Variants in HNF1B observed in about 807,000 individuals in gnomAD.
HNF1B encodes hepatocyte nuclear factor 1-beta.
In HNF1B, 8 loss-of-function variants were observed where a neutral mutation model predicts 61.7. That is an observed-to-expected ratio of 0.13 (90% confidence interval 0.08 to 0.23). The LOEUF (loss-of-function observed/expected upper bound fraction) is 0.23. Ranked by LOEUF, HNF1B falls within the 10% of genes least tolerant of loss-of-function variation. The probability of loss-of-function intolerance (pLI) is 1.00; values close to 1 mark genes in which losing one functional copy is unlikely to be tolerated. For missense variants in HNF1B, 562 were observed against 714.5 expected (o/e 0.79, Z 2.43); for synonymous variants, 314 against 287.7 (o/e 1.09, Z -0.93).
At chr17:37,714,223 C>T (rs1031399052) in intron 4 of HNF1B, among the ~76,000 whole-genome samples, 6 of 152,190 alleles carry the variant, frequency 3.9e-5, no homozygotes, top group African/African-American at 9.7e-5. Context: ...GCTGAAAACA[C>T]GTCAATTCCT....
At chr17:37,690,846 T>C (rs2032177231) in intron 8 of HNF1B, among the ~76,000 whole-genome samples, 1 of 152,210 alleles carries the variant, frequency 6.6e-6, no homozygotes, top group South Asian at 2.1e-4. Context: ...ACTGGATCTG[T>C]GAGTGAGCAC....
chr17:37,727,751 A>G lies in HNF1B; in HGVS notation c.1045+3844T>C, dbSNP rs116084792. On this transcript the variant is annotated intron_variant, in intron 4 of 8. Transcript: ENST00000617811. ...GCAAGTGGGCCACAGCATGGTAAGC[A>G]TGGCTGGGAGGGAAGGTGCTGTTAG... Among the ~76,000 whole-genome samples the G allele has an allele frequency of 5.8e-3, 890 of 152,226 alleles. 8 individuals are homozygous for G. Among genetic ancestry groups the G allele is most frequent in the African/African-American group, 0.02 (835 of 41,526 alleles).
chr17:37,694,203 G>A (rs1318347457), intron 8 of HNF1B, among the ~76,000 whole-genome samples: 3 of 152,122 alleles, frequency 2.0e-5, no homozygotes, highest in South Asian at 2.1e-4. Flanking sequence ...TGAGGCAGGT[G>A]GATCACCTGA....
At chr17:37,711,617 GAAA>G (rs2032937993) in intron 4 of HNF1B, among the ~76,000 whole-genome samples, 1 of 152,246 alleles carries the variant, frequency 6.6e-6, no homozygotes, top group Non-Finnish European at 1.5e-5. Flanking sequence ...ATGTGCCCAT[GAAA>G]CAGTCAAGGA....
rs569753293 is a variant in HNF1B, at chr17:37,690,089, G to A, written c.1654-2697C>T. On this transcript the variant is annotated intron_variant, in intron 8 of 8. Transcript: ENST00000617811. ...ACTCCATAGAAAAATAAGCATAGAG[G>A]TTAGGGCAGCTTGAGGAAAAAGAGA... is the stretch of plus-strand genomic sequence containing the variant. Among the ~76,000 whole-genome samples, 58 of 152,164 alleles carry A rather than the reference G, an allele frequency of 3.8e-4. No homozygotes were observed. In the South Asian group the frequency reaches 0.012, roughly 31 times the overall value.
chr17:37,700,002 CTA>C (rs1419581278), intron 7 of HNF1B, among the ~76,000 whole-genome samples: 1 of 152,194 alleles, frequency 6.6e-6, no homozygotes, highest in African/African-American at 2.4e-5. Flanking sequence ...CAGTTTACCC[CTA>C]TGTTTATTTC....
At chr17:37,719,192 T>A (rs982097794) in intron 4 of HNF1B, among the ~76,000 whole-genome samples, 6 of 152,128 alleles carry the variant, frequency 3.9e-5, no homozygotes, top group African/African-American at 1.4e-4. Context: ...CTCAAACTCC[T>A]GGGCTCAAGT....
intron 6 of HNF1B, among the ~76,000 whole-genome samples, chr17:37,703,907 G>A (rs2032654005): frequency 6.6e-6 from 1 of 152,202 alleles, no homozygotes; most frequent in African/African-American, 2.4e-5. Flanking sequence ...AGGGAGAGAA[G>A]AGGGAAGAAA....
At chr17:37,721,952 A>G (rs1398452131) in intron 4 of HNF1B, among the ~76,000 whole-genome samples, 1 of 152,192 alleles carries the variant, frequency 6.6e-6, no homozygotes, top group East Asian at 1.9e-4. Context: ...CTGGGACTCT[A>G]CGTGAATCTC....
At chr17:37,726,763 C>A (rs373277675) in intron 4 of HNF1B, among the ~76,000 whole-genome samples, 41 of 152,132 alleles carry the variant, frequency 2.7e-4, no homozygotes, top group African/African-American at 8.7e-4. Flanking sequence ...GGAGCAGCAG[C>A]CACAGAAATA....
intron 4 of HNF1B, among the ~76,000 whole-genome samples, chr17:37,725,710 C>A (rs541260363): frequency 2.0e-5 from 3 of 152,322 alleles, no homozygotes; most frequent in East Asian, 3.9e-4. Context: ...GGACAATGGG[C>A]CTTATTTACC....
At chr17:37,716,727 G>T (rs1174159762) in intron 4 of HNF1B, among the ~76,000 whole-genome samples, 2 of 152,136 alleles carry the variant, frequency 1.3e-5, no homozygotes, top group East Asian at 1.9e-4. Context: ...CAGGGCCTTA[G>T]AGCTACAGCT....
At chr17:37,741,139 C>T (rs891299440) in intron 1 of HNF1B, among the ~76,000 whole-genome samples, 6 of 151,928 alleles carry the variant, frequency 3.9e-5, no homozygotes, top group Admixed American at 3.3e-4. Context: ...AAAAAGAAAA[C>T]GGTGTAGAGG....
At chr17:37,725,325 CT>C (rs2033461724) in intron 4 of HNF1B, among the ~76,000 whole-genome samples, 1 of 152,234 alleles carries the variant, frequency 6.6e-6, no homozygotes, top group Admixed American at 6.5e-5. Flanking sequence ...CCAGTATCTC[CT>C]GGCCCCTTTG....
rs141867493 is a variant in HNF1B, at chr17:37,735,501, T to G, written c.545-1680A>C. Among the ~76,000 whole-genome samples, 21 of 152,304 alleles carry G rather than the reference T, an allele frequency of 1.4e-4. No homozygotes were observed. In the East Asian group the frequency reaches 3.3e-3, roughly 24 times the overall value. ...ATTTCGGCCCATTCACCTTGGAGGATTCTTAGGCCACCTTAGGGCTCTGTT... is the reference window on the plus strand; with the variant it reads ...ATTTCGGCCCATTCACCTTGGAGGAGTCTTAGGCCACCTTAGGGCTCTGTT... On this transcript the variant is annotated intron_variant, in intron 2 of 8. Coordinates refer to ENST00000617811, the MANE Select transcript of HNF1B (RefSeq NM_000458.4).
chr17:37,693,485 C>A (rs1297492756), intron 8 of HNF1B, among the ~76,000 whole-genome samples: 1 of 152,158 alleles, frequency 6.6e-6, no homozygotes, highest in Non-Finnish European at 1.5e-5. Flanking sequence ...CTGTACAATA[C>A]CTCTAAAATA....
intron 5 of HNF1B, among the ~76,000 whole-genome samples, chr17:37,709,067 A>G (rs953414906): frequency 3.3e-5 from 5 of 152,064 alleles, no homozygotes; most frequent in African/African-American, 1.2e-4. Context: ...AAAGTCGGGA[A>G]TCTGCGGCTC....
At chr17:37,705,773 T>G (rs918010130) in intron 5 of HNF1B, among the ~76,000 whole-genome samples, 3 of 152,142 alleles carry the variant, frequency 2.0e-5, no homozygotes, top group Non-Finnish European at 4.4e-5. Context: ...CCTATTATAT[T>G]GCTTAGAACT....
At chr17:37,730,016 A>AGCCCTAGCTCT (rs1555829034) in intron 4 of HNF1B, 7 of 100,948 alleles carry the variant, frequency 6.9e-5, no homozygotes, top group African/African-American at 3.6e-4. Flanking sequence ...CTGTCAGCAC[A>AGCCCTAGCTCT]CAGGATGCCT....
Sources: gnomAD v4.1 joint callset for allele counts (sites outside exome capture counted in the v4.1 genomes callset) on GRCh38, gnomAD v4.1.1 for gene constraint, MANE v1.5 for transcripts, NCBI Gene and HGNC (gene_info 2026-07-23, HGNC 2026-07-21) for gene names.